The following ESRRG variants were observed in gnomAD, a reference collection of about 807,000 sequenced individuals.
ESRRG encodes the protein estrogen-related receptor gamma.
Under a neutral mutation model 44.0 loss-of-function variants are expected in ESRRG, and 13 were observed. The observed-to-expected ratio is 0.30, with a 90% CI of 0.19 to 0.47. The LOEUF is 0.47. ESRRG is among the 20% of genes least tolerant of loss of function. The pLI, the probability that ESRRG is intolerant of heterozygous loss-of-function variation, is 1.00. For synonymous variants in ESRRG, 215 were observed against 214.6 expected (o/e 1.00, Z -0.02); for missense variants, 395 against 580.6 (o/e 0.68, Z 3.29).
intron 1 of ESRRG, among the ~76,000 whole-genome samples, chr1:216,971,280 A>G (rs992857411): frequency 6.6e-6 from 1 of 152,234 alleles, no homozygotes; most frequent in Non-Finnish European, 1.5e-5. Context: ...ATCATTAGTA[A>G]TTGGAATGTC....
intron 1 of ESRRG, among the ~76,000 whole-genome samples, chr1:216,941,310 T>C (rs1226257246): frequency 1.3e-5 from 2 of 152,148 alleles, no homozygotes; most frequent in Non-Finnish European, 2.9e-5. Context: ...AAACAGGATT[T>C]GAATCAAGAA....
chr1:216,509,553 C>T (rs2042132422), intron 6 of ESRRG, among the ~76,000 whole-genome samples: 1 of 152,084 alleles, frequency 6.6e-6, no homozygotes, highest in Non-Finnish European at 1.5e-5. Context: ...TACTCTTGCC[C>T]AGCAGGAGAT....
chr1:216,928,160 T>G (rs2062836346), intron 2 of ESRRG, among the ~76,000 whole-genome samples: 1 of 152,190 alleles, frequency 6.6e-6, no homozygotes. Flanking sequence ...GCATCAATCT[T>G]GTGCTGAGGG....
intron 6 of ESRRG, among the ~76,000 whole-genome samples, chr1:216,517,925 C>A (rs973033551): frequency 6.6e-6 from 1 of 152,134 alleles, no homozygotes; most frequent in Admixed American, 6.6e-5. Context: ...TAGGAAAGTA[C>A]AACTCCATTG....
chr1:216,533,603 C>G (rs1345126893), intron 5 of ESRRG, among the ~76,000 whole-genome samples: 1 of 152,054 alleles, frequency 6.6e-6, no homozygotes, highest in Non-Finnish European at 1.5e-5. Context: ...TCCTTAGCTG[C>G]CTCTTTTACT....
At chr1:216,856,189 T>C (rs1456575167) in intron 2 of ESRRG, among the ~76,000 whole-genome samples, 2 of 151,112 alleles carry the variant, frequency 1.3e-5, no homozygotes, top group Non-Finnish European at 2.9e-5. Flanking sequence ...GAAAAGAAAA[T>C]ATAGAATAGA....
At chr1:216,651,363 G>A (rs2068901525) in intron 2 of ESRRG, among the ~76,000 whole-genome samples, 1 of 152,150 alleles carries the variant, frequency 6.6e-6, no homozygotes, top group South Asian at 2.1e-4. Context: ...CCCATGCAAA[G>A]TAAGAGTCTT....
chr1:217,036,612 AT>A (rs573096575), intron 1 of ESRRG, among the ~76,000 whole-genome samples: 95 of 152,278 alleles, frequency 6.2e-4, no homozygotes, highest in Non-Finnish European at 1.1e-3. Flanking sequence ...GAGCTAAATG[AT>A]TAGAACACAT....
chr1:216,950,243 C>G (rs574666008), intron 1 of ESRRG, among the ~76,000 whole-genome samples: 3 of 152,172 alleles, frequency 2.0e-5, no homozygotes, highest in African/African-American at 7.2e-5. Flanking sequence ...GTTCCATAAT[C>G]GTATGTTGAA....
chr1:216,939,297 C>T (rs996702180), intron 2 of ESRRG, among the ~76,000 whole-genome samples: 3 of 119,704 alleles, frequency 2.5e-5, no homozygotes, highest in African/African-American at 9.4e-5. Flanking sequence ...ATCACTACAA[C>T]ACATACTTGG....
In ESRRG at chr1:217,022,365, T is replaced by C. The variant is rs1322015755; in HGVS notation, c.-106+67142A>G. ...TTGCTTTATCCAGACCCACATCAAT[T>C]ACCGATTTAGGGCCATTCAGAGAAC... On this transcript the variant is annotated intron_variant, in intron 1 of 7. Coordinates refer to the ESRRG transcript ENST00000359162. 2.0e-5 allele frequency among the ~76,000 whole-genome samples: 3 copies of C among 152,212 alleles called. 1 individual carries two copies. The highest frequency in any genetic ancestry group is 4.4e-5 in the Non-Finnish European group (3 of 68,036).
intron 2 of ESRRG, among the ~76,000 whole-genome samples, chr1:216,773,684 A>G (rs939460722): frequency 6.6e-6 from 1 of 152,134 alleles, no homozygotes; most frequent in Non-Finnish European, 1.5e-5. Flanking sequence ...TATCTTTTAT[A>G]TAAGGGAAAA....
intron 2 of ESRRG, among the ~76,000 whole-genome samples, chr1:216,923,040 A>C (rs949677464): frequency 6.6e-6 from 1 of 152,196 alleles, no homozygotes; most frequent in Admixed American, 6.5e-5. Context: ...CTTCTGGTCC[A>C]CTCGGGTTCT....
chr1:217,113,935 G>T (rs1225776717), intron 1 of ESRRG, among the ~76,000 whole-genome samples: 1 of 151,974 alleles, frequency 6.6e-6, no homozygotes, highest in Non-Finnish European at 1.5e-5. Flanking sequence ...AGTGGCTTCA[G>T]TGAGCTATGA....
rs182815683 is a variant in ESRRG, at chr1:216,663,267, G to A, written c.473-12178C>T. On this transcript the variant is annotated intron_variant, in intron 2 of 6. Coordinates refer to ENST00000408911, the MANE Select transcript of ESRRG (RefSeq NM_001438.4). ...TGGAGGCAAAAGCAGGGGAAAAAAA[G>A]TACACTTGAGGACAACACATTGGGC... is the stretch of plus-strand genomic sequence containing the variant. 2.9e-3 allele frequency among the ~76,000 whole-genome samples: 436 copies of A among 152,210 alleles called. 4 individuals carry two copies. Among genetic ancestry groups the A allele is most frequent in the Non-Finnish European group, 2.1e-3 (145 of 67,990 alleles).
intron 2 of ESRRG, among the ~76,000 whole-genome samples, chr1:216,782,286 A>C (rs2093962946): frequency 6.6e-6 from 1 of 152,032 alleles, no homozygotes; most frequent in Non-Finnish European, 1.5e-5. Flanking sequence ...AGGATGACTG[A>C]GTAAGTCTCT....
intron 1 of ESRRG, among the ~76,000 whole-genome samples, chr1:216,690,333 T>C (rs2078835817): frequency 6.6e-6 from 1 of 151,994 alleles, no homozygotes; most frequent in African/African-American, 2.4e-5. Flanking sequence ...AAATGAACTG[T>C]GATAAATGCA....
At chr1:216,699,079 T>C (rs1224195067) in intron 1 of ESRRG, among the ~76,000 whole-genome samples, 3 of 152,210 alleles carry the variant, frequency 2.0e-5, no homozygotes, top group Non-Finnish European at 4.4e-5. Context: ...CATCTGCTTA[T>C]TTACCTGCAT....
chr1:216,779,469 T>TATTTATAAAAATAA lies in ESRRG; in HGVS notation c.-13-101979_-13-101978insTTATTTTTATAAAT, dbSNP rs1559607145. ...ATATTTATAAATATAAATATAAATA[T>TATTTATAAAAATAA]ATATTTATAAATATAAATATATATT... is the stretch of plus-strand genomic sequence containing the variant. On this transcript the variant is annotated intron_variant, in intron 2 of 7. Transcript: ENST00000359162. 1.1e-4 allele frequency among the ~76,000 whole-genome samples: 3 copies of TATTTATAAAAATAA among 28,494 alleles called. 1 individual carries two copies. The African/African-American group carries it at 1.1e-3, about 10-fold the overall frequency. The allele number at this position is 28,494 out of a possible 152,430, so 18.7% of individuals were successfully genotyped here.
Sources: allele counts gnomAD v4.1 joint callset (sites outside exome capture counted in the v4.1 genomes callset), GRCh38; gene constraint gnomAD v4.1.1; transcripts MANE v1.5; gene names NCBI Gene and HGNC (gene_info 2026-07-23, HGNC 2026-07-21).